Variants in ZNF670 observed in about 807,000 individuals in gnomAD.
ZNF670 encodes the protein zinc finger protein 670.
ZNF670 carries 7 observed loss-of-function variants against 10.9 expected under a neutral mutation model. That is an observed-to-expected ratio of 0.64 (90% confidence interval 0.36 to 1.20). ZNF670 has a LOEUF of 1.20. Ranked by LOEUF, ZNF670 falls within the 50% of genes most tolerant of loss-of-function variation. ZNF670 has a pLI of 0.02. For missense variants in ZNF670, 446 were observed against 458.6 expected (o/e 0.97, Z 0.25); for synonymous variants, 136 against 152.7 (o/e 0.89, Z 0.81).
Position 247,038,264 on chromosome 1 carries a change from G to T in ZNF670, c.355C>A (p.His119Asn), listed in dbSNP as rs1443512140. 2 of 1,614,178 alleles carry T rather than the reference G, an allele frequency of 1.2e-6. No individual in the cohort carries two copies. Among genetic ancestry groups the T allele is most frequent in the East Asian group, 4.5e-5 (2 of 44,874 alleles). The change falls in exon 4 of 4, where the codon CAT (histidine) becomes AAT (asparagine). Residue 119 changes from histidine to asparagine, a missense_variant. His to Asn is a moderately conservative substitution (Grantham distance 68, BLOSUM62 1). Coordinates refer to ENST00000366503, the MANE Select transcript of ZNF670 (RefSeq NM_033213.5). ...CCAATGTGAGACAGGATGTGCCTAT[G>T]AAGGGCTGAATGACATATGAAGACT... Reference protein sequence around the residue: ...GKVFICHSALHRHILSHIGNK... With the variant: ...GKVFICHSALNRHILSHIGNK...
At chr1:247,044,667 G>C (rs1670397199) in intron 1 of ZNF670, among the ~76,000 whole-genome samples, 1 of 152,192 alleles carries the variant, frequency 6.6e-6, no homozygotes, top group Non-Finnish European at 1.5e-5. Flanking sequence ...CATGGCCACA[G>C]CTGGAGGCCA....
At chr1:247,050,793 G>A (rs1275303475) in intron 1 of ZNF670, among the ~76,000 whole-genome samples, 2 of 151,912 alleles carry the variant, frequency 1.3e-5, no homozygotes, top group African/African-American at 2.4e-5. Context: ...TATCCATTCT[G>A]CCATTTTGTA....
At chr1:247,042,715 G>A (rs1670346224) in intron 1 of ZNF670, 2 of 358,564 alleles carry the variant, frequency 5.6e-6, no homozygotes, top group Non-Finnish European at 1.0e-5. Flanking sequence ...AATGGAGACA[G>A]ACACTTCTGA....
At chr1:247,061,292 T>C (rs1408922313) in intron 1 of ZNF670, among the ~76,000 whole-genome samples, 3 of 151,816 alleles carry the variant, frequency 2.0e-5, no homozygotes, top group Admixed American at 2.0e-4. Flanking sequence ...AGCAATTCTC[T>C]GCTTCAGCCT....
chr1:247,038,883 A>T lies in ZNF670; in HGVS notation c.131-13T>A. 4 of 1,602,136 alleles carry T rather than the reference A, an allele frequency of 2.5e-6. No homozygotes were observed. In the South Asian group the frequency reaches 4.4e-5, roughly 18 times the overall value. On this transcript the variant is annotated splice_polypyrimidine_tract_variant and intron_variant, in intron 2 of 3. Transcript: ENST00000366503. ...TCTGATTTGTTTCCTAAAAGGTACAACCATAAGATTATTCAAATGATTAGA... is the reference window on the plus strand; with the variant it reads ...TCTGATTTGTTTCCTAAAAGGTACATCCATAAGATTATTCAAATGATTAGA...
chr1:247,054,276 C>T (rs1301721523), intron 1 of ZNF670, among the ~76,000 whole-genome samples: 1 of 152,194 alleles, frequency 6.6e-6, no homozygotes, highest in Non-Finnish European at 1.5e-5. Flanking sequence ...CTGAGCTGGG[C>T]TCAGAGGCAG....
chr1:247,047,573 G>C (rs1000220611), intron 1 of ZNF670, among the ~76,000 whole-genome samples: 12 of 151,500 alleles, frequency 7.9e-5, no homozygotes, highest in African/African-American at 2.9e-4. Flanking sequence ...CTTTGTGTGG[G>C]GATTCCAATC....
intron 1 of ZNF670, among the ~76,000 whole-genome samples, chr1:247,062,689 G>A (rs1341216574): frequency 1.3e-5 from 2 of 152,174 alleles, no homozygotes; most frequent in Non-Finnish European, 2.9e-5. Context: ...TGCTTATTTT[G>A]CTTTGCAGGT....
chr1:247,038,145 T>C lies in ZNF670; in HGVS notation c.474A>G (p.Arg158=). 6.2e-7 allele frequency: 1 copy of C among 1,614,184 alleles called. No individual in the cohort carries two copies. The highest frequency in any genetic ancestry group is 1.7e-5 in the Admixed American group (1 of 60,030). The part of the protein sequence containing the change: ...KAFISLTSVD[R]HMVTHTSNGP... ...CATTACTAGTGTGTGTTACCATGTG[T>C]CTGTCAACACTGGTGAGAGAGATAA... Residue 158 remains arginine, a synonymous_variant, in exon 4 of 4, where the codon AGA becomes AGG. Transcript: ENST00000366503.
intron 2 of ZNF670, among the ~76,000 whole-genome samples, 190 bp from the exon 3 acceptor site, chr1:247,039,060 C>CTTTTTT (rs3078762): frequency 1.4e-4 from 17 of 125,626 alleles, no homozygotes; most frequent in South Asian, 5.0e-4. Context: ...TTCTTTCTTT[C>CTTTTTT]TTTTTTTTTT....
At chr1:247,069,952 G>C (rs977982095) in intron 1 of ZNF670, among the ~76,000 whole-genome samples, 2 of 152,128 alleles carry the variant, frequency 1.3e-5, no homozygotes, top group South Asian at 2.1e-4. Context: ...GATGATTATA[G>C]TCAGCAATAA....
Position 247,072,297 on chromosome 1 carries a change from C to T in ZNF670, c.3+6297G>A, listed in dbSNP as rs919350035. On this transcript the variant is annotated intron_variant, in intron 1 of 3. Coordinates refer to ENST00000366503, the MANE Select transcript of ZNF670 (RefSeq NM_033213.5). ...TCCCAAGCAGCCGAGACCACAGCTCCGCACTGCCATGCCTGGTTTTGTTTT... is the reference window on the plus strand; with the variant it reads ...TCCCAAGCAGCCGAGACCACAGCTCTGCACTGCCATGCCTGGTTTTGTTTT... Among the ~76,000 whole-genome samples, 20 of 151,196 alleles carry T rather than the reference C, an allele frequency of 1.3e-4. No homozygotes were observed. The East Asian group carries it at 2.0e-3, about 15-fold the overall frequency.
At chr1:247,039,177 G>A (rs1670246083) in intron 2 of ZNF670, among the ~76,000 whole-genome samples, 1 of 150,574 alleles carries the variant, frequency 6.6e-6, no homozygotes, top group Admixed American at 6.6e-5. Context: ...ACCTGTCTCA[G>A]GCTCCCAAGT....
chr1:247,071,782 G>A (rs1028551249), intron 1 of ZNF670, among the ~76,000 whole-genome samples: 6 of 151,594 alleles, frequency 4.0e-5, no homozygotes, highest in South Asian at 2.1e-4. Context: ...TCATTAAAAC[G>A]TAAGAACTCA....
At chr1:247,076,258 A>ATTT (rs761879742) in intron 1 of ZNF670, among the ~76,000 whole-genome samples, 1 of 141,648 alleles carries the variant, frequency 7.1e-6, no homozygotes, top group African/African-American at 2.6e-5. Context: ...GTGTGCTTGA[A>ATTT]TTTTTTTTTT....
At chr1:247,044,595 G>A (rs907039083) in intron 1 of ZNF670, among the ~76,000 whole-genome samples, 3 of 152,076 alleles carry the variant, frequency 2.0e-5, no homozygotes, top group Admixed American at 1.3e-4. Flanking sequence ...TTAAAAAGTG[G>A]TACATATACA....
At chr1:247,051,555 T>C (rs1408922992) in intron 1 of ZNF670, among the ~76,000 whole-genome samples, 1 of 152,204 alleles carries the variant, frequency 6.6e-6, no homozygotes, top group African/African-American at 2.4e-5. Context: ...GATTCTTTCC[T>C]TCTTAATTTT....
intron 1 of ZNF670, among the ~76,000 whole-genome samples, chr1:247,042,481 T>C (rs766363360): frequency 3.9e-5 from 6 of 152,170 alleles, no homozygotes; most frequent in Non-Finnish European, 8.8e-5. Context: ...TTGATATGGT[T>C]TGAATGAGGA....
At chr1:247,054,116 C>CA (rs1202781817) in intron 1 of ZNF670, among the ~76,000 whole-genome samples, 1 of 152,186 alleles carries the variant, frequency 6.6e-6, no homozygotes, top group African/African-American at 2.4e-5. Flanking sequence ...GCAGAGGAAA[C>CA]ATTTAGACCG....
Sources: gnomAD v4.1 joint callset for allele counts (sites outside exome capture counted in the v4.1 genomes callset) on GRCh38, gnomAD v4.1.1 for gene constraint, MANE v1.5 for transcripts, NCBI Gene and HGNC (gene_info 2026-07-23, HGNC 2026-07-21) for gene names.